Variants in PMPCB observed in about 807,000 individuals in gnomAD.
The protein encoded by PMPCB is peptidase, mitochondrial processing subunit beta.
Under a neutral mutation model 61.5 loss-of-function variants are expected in PMPCB, and 46 were observed. The ratio of observed to expected loss-of-function variants is 0.75; its 90% CI spans 0.59 to 0.96. The LOEUF is 0.96. Among genes scored for constraint, PMPCB ranks in the 40% least tolerant of loss-of-function variants. The probability of loss-of-function intolerance (pLI) is 0.00; values close to 1 mark genes in which losing one functional copy is unlikely to be tolerated. For missense variants in PMPCB, 590 were observed against 602.4 expected (o/e 0.98, Z 0.22); for synonymous variants, 191 against 201.6 (o/e 0.95, Z 0.44).
downstream of PMPCB, among the ~76,000 whole-genome samples, chr7:103,330,842 A>G (rs967727068): frequency 6.6e-5 from 10 of 151,500 alleles, no homozygotes; most frequent in African/African-American, 2.4e-4. Context: ...CTGGCCTCCC[A>G]AAGTGCTAGA....
chr7:103,326,564 G>A, intron 12 of PMPCB: 1 of 1,613,856 alleles, frequency 6.2e-7, no homozygotes. Context: ...TTCAAACACT[G>A]GGGTAAACAC....
At chr7:103,328,783 A>G in intron 12 of PMPCB, 1 of 279,008 alleles carries the variant, frequency 3.6e-6, no homozygotes, top group Non-Finnish European at 6.9e-6. Flanking sequence ...TGCTTAATAC[A>G]GTATTTCAAG....
rs1817906517 is a variant in PMPCB at position 103,314,023 on chromosome 7, G to A, written c.*1752G>A. On this transcript the variant is annotated 3_prime_UTR_variant, in exon 13 of 13. Coordinates refer to ENST00000249269, the MANE Select transcript of PMPCB (RefSeq NM_004279.3). ...CAAAGTTCCTTCCCAATTAAAGAAG[G>A]AAAAACAAAACAAAACAAAACAAAA... is the stretch of plus-strand genomic sequence containing the variant. 2 of 985,050 alleles carry A rather than the reference G, an allele frequency of 2.0e-6. No individual in the cohort carries two copies. The highest frequency in any genetic ancestry group is 2.4e-6 in the Non-Finnish European group (2 of 829,844). 61.0% of individuals were successfully genotyped at this position (985,050 alleles called of 1,614,324 possible).
At chr7:103,307,483 T>G in intron 6 of PMPCB, 113 bp from the exon 7 acceptor site, 1 of 635,210 alleles carries the variant, frequency 1.6e-6, no homozygotes. Context: ...AAATAATGGC[T>G]TTTAGTGAGT....
chr7:103,298,047 C>A, intron 1 of PMPCB: 1 of 633,352 alleles, frequency 1.6e-6, no homozygotes, highest in Non-Finnish European at 2.2e-6. Context: ...CAAAGAAAAA[C>A]TGCTGAAAGG....
intron 2 of PMPCB, among the ~76,000 whole-genome samples, chr7:103,299,104 C>G (rs1484626024): frequency 6.6e-6 from 1 of 152,156 alleles, no homozygotes; most frequent in Non-Finnish European, 1.5e-5. Context: ...TGGTTTTGTT[C>G]AGGTAACTCA....
chr7:103,326,095 C>T (rs1339849836), intron 12 of PMPCB, among the ~76,000 whole-genome samples: 1 of 152,068 alleles, frequency 6.6e-6, no homozygotes, highest in Non-Finnish European at 1.5e-5. Context: ...ACTCCCGTCT[C>T]CGCCTCCCGA....
In PMPCB at chr7:103,297,571, C is replaced by T. The variant is rs1464588369; in HGVS notation, c.99+13C>T. On this transcript the variant is annotated intron_variant, in intron 1 of 12. Coordinates refer to ENST00000249269, the MANE Select transcript of PMPCB (RefSeq NM_004279.3). Reference sequence around the variant, plus strand: ...CGCTGCGGGACGGGTGAGCTTCCCTCCAGGCCGGTCCTGTCCTCGAGATCT... The same window carrying T: ...CGCTGCGGGACGGGTGAGCTTCCCTTCAGGCCGGTCCTGTCCTCGAGATCT... 3.7e-6 allele frequency: 6 copies of T among 1,612,220 alleles called. No individual in the cohort carries two copies. Among genetic ancestry groups the T allele is most frequent in the Non-Finnish European group, 5.1e-6 (6 of 1,179,000 alleles).
intron 8 of PMPCB, among the ~76,000 whole-genome samples, chr7:103,309,958 T>A (rs1191822165): frequency 6.6e-6 from 1 of 152,258 alleles, no homozygotes; most frequent in African/African-American, 2.4e-5. Flanking sequence ...ACATTTCATC[T>A]AAATAATCTT....
At chr7:103,340,775 C>T in the PMPCB span, among the ~76,000 whole-genome samples, 1 of 152,224 alleles carries the variant, frequency 6.6e-6, no homozygotes, top group Non-Finnish European at 1.5e-5. Context: ...ACAGCAACCA[C>T]CACTATGTGC....
At chr7:103,318,252 A>ACCTGCTCAGGTAAT (rs1818183414), downstream of PMPCB, among the ~76,000 whole-genome samples, 1 of 150,918 alleles carries the variant, frequency 6.6e-6, no homozygotes, top group African/African-American at 2.4e-5. Context: ...TGCAGCTGTG[A>ACCTGCTCAGGTAAT]CCTCCCAGGC....
chr7:103,339,154 A>T, the PMPCB span, among the ~76,000 whole-genome samples: 2 of 152,230 alleles, frequency 1.3e-5, no homozygotes, highest in African/African-American at 4.8e-5. Context: ...ACTTATGGCT[A>T]CATGTTCTTG....
chr7:103,300,105 T>C (rs940437949), intron 3 of PMPCB, 73 bp from the exon 4 acceptor site: 3 of 1,397,928 alleles, frequency 2.1e-6, no homozygotes, highest in Admixed American at 2.0e-5. Context: ...GTCCTCCATA[T>C]TCATTATCTG....
the PMPCB span, among the ~76,000 whole-genome samples, chr7:103,346,693 C>A: frequency 6.6e-6 from 1 of 152,176 alleles, no homozygotes; most frequent in Non-Finnish European, 1.5e-5. Context: ...CTAGGTACTT[C>A]ATATTTGTGG....
At chr7:103,329,223 T>A in exon 13 of PMPCB, 1 of 239,388 alleles carries the variant, frequency 4.2e-6, no homozygotes, top group South Asian at 4.5e-5. Context: ...CCAGGCCTGT[T>A]TACCAGTTAA....
At chr7:103,316,861 CA>C (rs764240363), downstream of PMPCB, 1 of 1,613,934 alleles carries the variant, frequency 6.2e-7, no homozygotes, top group Non-Finnish European at 8.5e-7. Context: ...AACAGATTCA[CA>C]GCTTTAATTA....
intron 7 of PMPCB, among the ~76,000 whole-genome samples, chr7:103,308,708 TA>T (rs1817657584): frequency 6.6e-6 from 1 of 152,180 alleles, no homozygotes; most frequent in South Asian, 2.1e-4. Context: ...TTTGACCAGG[TA>T]AACCATGTGG....
chr7:103,319,904 A>G, intron 12 of PMPCB: 1 of 1,567,316 alleles, frequency 6.4e-7, no homozygotes, highest in South Asian at 1.1e-5. Context: ...CAACATAATT[A>G]CAAAGCTGTA....
the PMPCB span, among the ~76,000 whole-genome samples, chr7:103,340,252 C>T: frequency 1.3e-5 from 2 of 152,216 alleles, no homozygotes; most frequent in African/African-American, 4.8e-5. Context: ...CTACTTCTGT[C>T]ACCCTTCTTA....
Sources: gnomAD v4.1 joint callset for allele counts (sites outside exome capture counted in the v4.1 genomes callset) on GRCh38, gnomAD v4.1.1 for gene constraint, MANE v1.5 for transcripts, NCBI Gene and HGNC (gene_info 2026-07-23, HGNC 2026-07-21) for gene names.